The following EXOC1 variants were observed in gnomAD, a reference collection of about 807,000 sequenced individuals.
EXOC1 encodes SEC3-like 1.
Under a neutral mutation model 107.7 loss-of-function variants are expected in EXOC1, and 67 were observed. The ratio of observed to expected loss-of-function variants is 0.62; its 90% confidence interval spans 0.51 to 0.76. The LOEUF (loss-of-function observed/expected upper bound fraction) is 0.76, where lower values mean the gene tolerates loss of function less well. EXOC1 is among the 30% of genes least tolerant of loss of function. The pLI is 0.00. For missense variants in EXOC1, 833 were observed against 1,055.7 expected (o/e 0.79, Z 2.92); for synonymous variants, 348 against 353.5 (o/e 0.98, Z 0.17).
rs189941852 is a variant in EXOC1 at position 55,886,022 on chromosome 4, A to G, written c.1330+2094A>G. Among the ~76,000 whole-genome samples the G allele has an allele frequency of 7.9e-4, 121 of 152,340 alleles. 1 individual carries two copies. Among genetic ancestry groups the G allele is most frequent in the African/African-American group, 2.8e-3 (116 of 41,590 alleles). ...AAGCAGTCTGCAGTCAGTACGAACC[A>G]TACTTCAAGTACCCATAGCCATTCT... On this transcript the variant is annotated intron_variant, in intron 10 of 18. Coordinates refer to ENST00000381295, the MANE Select transcript of EXOC1 (RefSeq NM_001024924.2).
At chr4:55,888,626 AG>A in intron 10 of EXOC1, among the ~76,000 whole-genome samples, 1 of 152,086 alleles carries the variant, frequency 6.6e-6, no homozygotes, top group East Asian at 1.9e-4. Flanking sequence ...TTTAAAGTGT[AG>A]GGGGGTTACA....
At chr4:55,855,964 T>A (rs549718137) in intron 1 of EXOC1, among the ~76,000 whole-genome samples, 11 of 152,260 alleles carry the variant, frequency 7.2e-5, no homozygotes, top group Non-Finnish European at 1.3e-4. Context: ...ATTTCATGGC[T>A]TTTATATCCT....
intron 10 of EXOC1, among the ~76,000 whole-genome samples, chr4:55,884,193 C>G (rs1213526414): frequency 6.6e-6 from 1 of 152,124 alleles, no homozygotes; most frequent in Non-Finnish European, 1.5e-5. Context: ...TTCATAAGAA[C>G]AGCAGTTGGT....
At position 55,868,518 on chromosome 4, in the gene EXOC1, G is replaced by T. The variant is rs1722150935; in HGVS notation, c.598G>T (p.Asp200Tyr). 2 of 1,613,300 alleles carry T rather than the reference G, an allele frequency of 1.2e-6. No homozygotes were observed. The highest frequency in any genetic ancestry group is 4.5e-5 in the East Asian group (2 of 44,856). ...EKLSRELQVL[D>Y]GANIQSIMAS... ...ATTGTCCAGAGAGCTGCAGGTGCTA[G>T]ATGGGGTAAGACTTTCCTGAATTCT... Residue 200 changes from aspartate (D) to tyrosine (Y), a missense_variant, in exon 5 of 19, where the codon GAT becomes TAT. Asp to Tyr is a radical substitution (Grantham distance 160). This residue lies in a region of EXOC1 where 617 missense variants were observed against 701.3 expected (regional missense o/e 0.88). Transcript: ENST00000381295.
At chr4:55,866,783 T>G in intron 4 of EXOC1, 1 of 768,266 alleles carries the variant, frequency 1.3e-6, no homozygotes, top group Non-Finnish European at 1.6e-6. Flanking sequence ...ATGGGTAGTA[T>G]TTTAAAAATT....
chr4:55,858,127 TA>T (rs1721164262), intron 1 of EXOC1, among the ~76,000 whole-genome samples, 186 bp from the exon 2 acceptor site: 1 of 152,252 alleles, frequency 6.6e-6, no homozygotes, highest in African/African-American at 2.4e-5. Context: ...TAGAGTTTGA[TA>T]ACACTGGTTC....
In EXOC1 at chr4:55,868,800, T is replaced by C. The variant is rs1722177768; in HGVS notation, c.603+277T>C. ...GTAAAAACTAGGCCAGAGAACATCT[T>C]GGGAGTTGATTCGCTCAGCCTCTGA... On this transcript the variant is annotated intron_variant, in intron 5 of 18. Transcript: ENST00000381295. 3 of 281,882 alleles carry C rather than the reference T, an allele frequency of 1.1e-5. No homozygotes were observed. In the South Asian group the frequency reaches 3.3e-4, roughly 31 times the overall value. The allele number at this position is 281,882 out of a possible 1,614,324, so 17.5% of individuals were successfully genotyped here.
At chr4:55,904,033 G>GTGCT (rs1318750815) in intron 18 of EXOC1, among the ~76,000 whole-genome samples, 9 of 151,850 alleles carry the variant, frequency 5.9e-5, no homozygotes, top group African/African-American at 2.2e-4. Flanking sequence ...AATGTCATGA[G>GTGCT]TGCTTACTTG....
chr4:55,887,922 C>A (rs199783805), intron 10 of EXOC1, among the ~76,000 whole-genome samples: 12,266 of 152,190 alleles, frequency 0.081, 633 homozygotes, highest in East Asian at 0.15. Flanking sequence ...GTAGCCAAGG[C>A]TAGAAAGATA....
intron 17 of EXOC1, chr4:55,902,122 A>G: frequency 3.1e-6 from 1 of 320,682 alleles, no homozygotes; most frequent in Non-Finnish European, 5.6e-6. Flanking sequence ...TGAAATTTTA[A>G]TCTCCTGTAT....
At chr4:55,869,060 G>T (rs1045091459) in intron 5 of EXOC1, among the ~76,000 whole-genome samples, 2 of 152,122 alleles carry the variant, frequency 1.3e-5, no homozygotes, top group African/African-American at 4.8e-5. Flanking sequence ...TGCAGTTTTT[G>T]AGTGTAATTC....
chr4:55,901,774 G>T (rs1023615855), intron 17 of EXOC1, among the ~76,000 whole-genome samples: 12 of 152,028 alleles, frequency 7.9e-5, no homozygotes, highest in Non-Finnish European at 1.6e-4. Context: ...AATATAAATT[G>T]GTTGAGCTTT....
chr4:55,872,370 A>G (rs1337550647), intron 8 of EXOC1, among the ~76,000 whole-genome samples: 1 of 136,690 alleles, frequency 7.3e-6, no homozygotes, highest in African/African-American at 2.8e-5. Context: ...TACTTAGTAC[A>G]TAGTATAATT....
chr4:55,888,971 A>C (rs553673865), intron 11 of EXOC1, 39 bp downstream of exon 11: 1 of 1,598,334 alleles, frequency 6.3e-7, no homozygotes, highest in Admixed American at 1.7e-5. Flanking sequence ...TTCTCAATGC[A>C]TGTTTGTTTA....
At chr4:55,890,035 A>G (rs2034296) in intron 11 of EXOC1, among the ~76,000 whole-genome samples, 188 bp from the exon 12 acceptor site, 54,034 of 151,874 alleles carry the variant, frequency 0.36, 9,974 homozygotes, top group African/African-American at 0.38. Context: ...ATATGCTCAG[A>G]ATTAGGACAC....
rs1421278688 is a variant in EXOC1 at position 55,860,410 on chromosome 4, G to C, written c.125-1G>C. ...ATAAAAGTGTGCGTTTTACTCAACA[G>C]TGACAACTGAACGCCCTGTGCAGGT... On this transcript the variant is annotated splice_acceptor_variant, in intron 2 of 18. Transcript: ENST00000381295. LOFTEE classifies it high-confidence loss of function. The C allele has an allele frequency of 6.2e-7, 1 of 1,613,402 alleles. No individual in the cohort carries two copies.
chr4:55,860,189 A>G (rs1721343005), intron 2 of EXOC1, among the ~76,000 whole-genome samples: 1 of 152,154 alleles, frequency 6.6e-6, no homozygotes, highest in South Asian at 2.1e-4. Context: ...TTATTAATAT[A>G]TCATTCCTTT....
Position 55,892,850 on chromosome 4 carries a change from C to G in EXOC1, c.1724+139C>G, listed in dbSNP as rs976818319. On this transcript the variant is annotated intron_variant, in intron 14 of 18. Coordinates refer to ENST00000381295, the MANE Select transcript of EXOC1 (RefSeq NM_001024924.2). ...CCAGCATGTGTGTCCATTGTCTTAT[C>G]AAACGTTTTACTGATTTAAAATAGG... 1.3e-5 allele frequency: 9 copies of G among 716,116 alleles called. No individual in the cohort carries two copies. In the South Asian group the frequency reaches 1.5e-4, roughly 12 times the overall value. 44.4% of individuals were successfully genotyped at this position (716,116 alleles called of 1,614,324 possible).
chr4:55,883,204 C>T (rs972727578), intron 9 of EXOC1: 28 of 152,180 alleles, frequency 1.8e-4, no homozygotes, highest in African/African-American at 6.7e-4. Context: ...CTGGCAGAGG[C>T]TCAGTGAAAC....
Sources: allele counts gnomAD v4.1 joint callset (sites outside exome capture counted in the v4.1 genomes callset), GRCh38; gene constraint gnomAD v4.1.1; regional missense constraint gnomAD v4.1.1; transcripts MANE v1.5; gene names NCBI Gene and HGNC (gene_info 2026-07-23, HGNC 2026-07-21).